The following RERE variants were observed in gnomAD, a reference collection of about 807,000 sequenced individuals.
The protein encoded by RERE is arginine-glutamic acid dipeptide repeats.
A neutral mutation model predicts 146.1 loss-of-function variants in RERE; 40 were observed. That is an observed-to-expected ratio of 0.27 (90% CI 0.21 to 0.36). The LOEUF is 0.36. Among genes scored for constraint, RERE ranks in the 10% least tolerant of loss-of-function variants. The pLI is 1.00. For synonymous variants in RERE, 1,003 were observed against 866.0 expected, an observed-to-expected ratio of 1.16 and a Z score of -2.78; for missense variants, 1,933 against 2,138.7, an observed-to-expected ratio of 0.90 and a Z score of 1.90.
At chr1:8,773,114 A>G (rs1339385425) in intron 1 of RERE, among the ~76,000 whole-genome samples, 1 of 152,216 alleles carries the variant, frequency 6.6e-6, no homozygotes, top group East Asian at 1.9e-4. Flanking sequence ...AAATAAGTGA[A>G]TATCTGGTCT....
intron 1 of RERE, among the ~76,000 whole-genome samples, chr1:8,771,234 A>G (rs1201007744): frequency 6.6e-6 from 1 of 152,186 alleles, no homozygotes; most frequent in Non-Finnish European, 1.5e-5. Context: ...TAGAACTATT[A>G]GAAACTGGGC....
chr1:8,804,635 T>C (rs1484981228), intron 1 of RERE, among the ~76,000 whole-genome samples: 1 of 152,222 alleles, frequency 6.6e-6, no homozygotes, highest in African/African-American at 2.4e-5. Context: ...AGAAGCGATA[T>C]GTACAATTTC....
chr1:8,495,311 T>A, intron 9 of RERE, 149 bp from the exon 10 acceptor site: 1 of 495,832 alleles, frequency 2.0e-6, no homozygotes, highest in Non-Finnish European at 3.6e-6. Flanking sequence ...CCTCTGCTCC[T>A]ATTTTTTTTT....
At chr1:8,733,435 T>C (rs1304791332) in intron 1 of RERE, among the ~76,000 whole-genome samples, 1 of 152,230 alleles carries the variant, frequency 6.6e-6, no homozygotes, top group African/African-American at 2.4e-5. Flanking sequence ...ATTCAAACTC[T>C]TGACAATAAT....
chr1:8,781,369 A>C (rs986689076), intron 1 of RERE, among the ~76,000 whole-genome samples: 1 of 150,772 alleles, frequency 6.6e-6, no homozygotes, highest in Non-Finnish European at 1.5e-5. Flanking sequence ...AAAAAAAAAA[A>C]CAACTTTTTT....
chr1:8,637,663 C>A lies in RERE; in HGVS notation c.326-13283G>T, dbSNP rs181421493. Among the ~76,000 whole-genome samples the A allele has an allele frequency of 2.0e-5, 3 of 152,174 alleles. No homozygotes were observed. The South Asian group carries it at 6.2e-4, about 32-fold the overall frequency. On this transcript the variant is annotated intron_variant, in intron 2 of 22. Coordinates refer to ENST00000400908, the MANE Select transcript of RERE (RefSeq NM_001042681.2). ...AGAAGAGCACAAAAATATGTCTGAT[C>A]CACTCATGGTGGCAAAGATTTACCC... is the stretch of plus-strand genomic sequence containing the variant.
At chr1:8,688,368 C>T (rs1281760467) in intron 1 of RERE, among the ~76,000 whole-genome samples, 1 of 152,046 alleles carries the variant, frequency 6.6e-6, no homozygotes, top group Non-Finnish European at 1.5e-5. Context: ...CGAAGACCAG[C>T]CTGGGTAACA....
chr1:8,649,684 T>G (rs962392168), intron 2 of RERE, among the ~76,000 whole-genome samples: 3 of 149,454 alleles, frequency 2.0e-5, no homozygotes, highest in Non-Finnish European at 4.4e-5. Flanking sequence ...GAGCTGAGAT[T>G]GCACCACTGC....
chr1:8,559,094 C>T (rs1398791610), intron 4 of RERE, among the ~76,000 whole-genome samples: 3 of 150,872 alleles, frequency 2.0e-5, no homozygotes, highest in Non-Finnish European at 3.0e-5. Flanking sequence ...GCCACCACGC[C>T]GGCCGAAAAT....
chr1:8,594,857 A>G (rs1570482615), intron 4 of RERE, among the ~76,000 whole-genome samples: 1 of 152,242 alleles, frequency 6.6e-6, no homozygotes, highest in South Asian at 2.1e-4. Context: ...GCAAAAGCAT[A>G]TTATTAAAAA....
intron 1 of RERE, among the ~76,000 whole-genome samples, chr1:8,765,308 AAAG>A (rs1373691016): frequency 2.0e-5 from 3 of 152,368 alleles, no homozygotes; most frequent in Non-Finnish European, 4.4e-5. Context: ...ATAAAGACAG[AAAG>A]AAGATTAAGG....
chr1:8,395,486 A>G (rs1643024395), intron 12 of RERE, among the ~76,000 whole-genome samples: 1 of 152,022 alleles, frequency 6.6e-6, no homozygotes, highest in African/African-American at 2.4e-5. Flanking sequence ...AAAAAAAAAA[A>G]AAAAGAATGA....
At chr1:8,368,367 G>C (rs550457941) in intron 12 of RERE, among the ~76,000 whole-genome samples, 2 of 152,000 alleles carry the variant, frequency 1.3e-5, no homozygotes, top group Non-Finnish European at 2.9e-5. Flanking sequence ...CCAGCTACTC[G>C]GGAGTCTGAG....
At chr1:8,789,301 A>AATATATATATATATAT (rs1553149622) in intron 1 of RERE, among the ~76,000 whole-genome samples, 7 of 24,784 alleles carry the variant, frequency 2.8e-4, no homozygotes, top group Non-Finnish European at 3.3e-4. Flanking sequence ...AAAAAAAAAA[A>AATATATATATATATAT]ATATATATAT....
In RERE at chr1:8,629,929, G is replaced by C. The variant is rs185532771; in HGVS notation, c.326-5549C>G. 5.5e-4 allele frequency among the ~76,000 whole-genome samples: 84 copies of C among 152,270 alleles called. 2 individuals carry two copies. Among genetic ancestry groups the C allele is most frequent in the Admixed American group, 2.5e-3 (39 of 15,296 alleles). ...GCATGAACAAAGACTTTCTCACAAA[G>C]AGATTTCTCAGAGACCAAGCTGGGT... On this transcript the variant is annotated intron_variant, in intron 2 of 22. Coordinates refer to ENST00000400908, the MANE Select transcript of RERE (RefSeq NM_001042681.2).
intron 1 of RERE, among the ~76,000 whole-genome samples, chr1:8,800,763 G>A (rs1164821222): frequency 6.6e-6 from 1 of 152,032 alleles, no homozygotes; most frequent in Non-Finnish European, 1.5e-5. Context: ...TCAGGAGTTT[G>A]AGACCAGCTT....
chr1:8,515,735 G>A (rs559901546), intron 7 of RERE, among the ~76,000 whole-genome samples: 108 of 152,206 alleles, frequency 7.1e-4, no homozygotes, highest in African/African-American at 2.4e-3. Flanking sequence ...TCTAGTCAAA[G>A]CCAGGGTGGT....
chr1:8,673,788 A>G (rs1055115427), intron 1 of RERE, among the ~76,000 whole-genome samples: 1 of 152,210 alleles, frequency 6.6e-6, no homozygotes, highest in Admixed American at 6.5e-5. Flanking sequence ...TCATGCCTGT[A>G]ATCGCAGCAC....
intron 1 of RERE, among the ~76,000 whole-genome samples, chr1:8,694,749 A>T (rs949932312): frequency 7.3e-5 from 11 of 151,150 alleles, no homozygotes; most frequent in African/African-American, 2.7e-4. Context: ...ACAAAGCGAG[A>T]CTCTATCTCA....
Sources: gnomAD v4.1 joint callset for allele counts (sites outside exome capture counted in the v4.1 genomes callset) on GRCh38, gnomAD v4.1.1 for gene constraint, MANE v1.5 for transcripts, NCBI Gene and HGNC (gene_info 2026-07-23, HGNC 2026-07-21) for gene names.